The following CRADD variants were observed in gnomAD, a reference collection of about 807,000 sequenced individuals.
The protein encoded by CRADD is CARD and death domain containing adaptor protein.
A neutral mutation model predicts 15.5 loss-of-function variants in CRADD; 9 were observed. The observed-to-expected ratio is 0.58, with a 90% CI of 0.35 to 1.01. The LOEUF (loss-of-function observed/expected upper bound fraction) is 1.01. CRADD is among the 50% of genes least tolerant of loss of function. The pLI is 0.02. For missense variants in CRADD, 227 were observed against 250.3 expected (o/e 0.91, Z 0.63); for synonymous variants, 118 against 107.6 (o/e 1.10, Z -0.60).
chr12:93,828,092 T>C (rs1957845873), intron 2 of CRADD, among the ~76,000 whole-genome samples: 1 of 152,270 alleles, frequency 6.6e-6, no homozygotes, highest in South Asian at 2.1e-4. Context: ...TTTAAGTATT[T>C]ATTTGCCATC....
intron 2 of CRADD, among the ~76,000 whole-genome samples, chr12:93,703,627 G>T (rs562508543): frequency 3.9e-5 from 6 of 152,142 alleles, no homozygotes; most frequent in African/African-American, 1.4e-4. Flanking sequence ...CTCCCAAAGT[G>T]CTGGGATTAC....
intron 2 of CRADD, among the ~76,000 whole-genome samples, chr12:93,802,694 C>G (rs1379872693): frequency 6.6e-6 from 1 of 152,180 alleles, no homozygotes; most frequent in Non-Finnish European, 1.5e-5. Context: ...AAACACTATC[C>G]AGACCTTTTC....
intron 2 of CRADD, among the ~76,000 whole-genome samples, chr12:93,695,960 A>G (rs1955695108): frequency 6.6e-6 from 1 of 152,198 alleles, no homozygotes; most frequent in South Asian, 2.1e-4. Context: ...AAGACATACA[A>G]ATGGCCAACA....
At chr12:93,783,528 G>T (rs534413688) in intron 2 of CRADD, among the ~76,000 whole-genome samples, 1 of 152,044 alleles carries the variant, frequency 6.6e-6, no homozygotes, top group Non-Finnish European at 1.5e-5. Flanking sequence ...TGCAAGGTAT[G>T]GTTGTTACTG....
chr12:93,678,658 G>C, intron 1 of CRADD, 111 bp from the exon 2 acceptor site: 1 of 1,131,274 alleles, frequency 8.8e-7, no homozygotes, highest in Non-Finnish European at 1.2e-6. Flanking sequence ...CTGGCAGTCT[G>C]CTATGGTTTA....
intron 2 of CRADD, among the ~76,000 whole-genome samples, chr12:93,767,429 T>A (rs186164258): frequency 2.7e-4 from 41 of 152,358 alleles, no homozygotes; most frequent in African/African-American, 9.6e-4. Context: ...GGTTATATCA[T>A]GTATACATTT....
intron 2 of CRADD, among the ~76,000 whole-genome samples, chr12:93,800,243 G>A (rs999738599): frequency 1.3e-5 from 2 of 152,238 alleles, no homozygotes; most frequent in Admixed American, 6.5e-5. Context: ...TATAGTATAC[G>A]TCCCAGTCAG....
chr12:93,832,503 T>G (rs1957918381), intron 2 of CRADD, among the ~76,000 whole-genome samples: 1 of 152,134 alleles, frequency 6.6e-6, no homozygotes, highest in Non-Finnish European at 1.5e-5. Context: ...GAATTGTTAT[T>G]TTATAGTTTA....
intron 2 of CRADD, among the ~76,000 whole-genome samples, chr12:93,814,217 C>A (rs1957665085): frequency 6.6e-6 from 1 of 152,154 alleles, no homozygotes; most frequent in Non-Finnish European, 1.5e-5. Flanking sequence ...GCAAATTGTT[C>A]CCGCTGAATA....
At chr12:93,771,476 GCT>G (rs1477605638) in intron 2 of CRADD, among the ~76,000 whole-genome samples, 1 of 151,904 alleles carries the variant, frequency 6.6e-6, no homozygotes, top group Non-Finnish European at 1.5e-5. Flanking sequence ...CTTAATAATT[GCT>G]CTTTCTATAC....
At chr12:93,838,214 GTT>G (rs66564800) in intron 2 of CRADD, among the ~76,000 whole-genome samples, 13,962 of 130,566 alleles carry the variant, frequency 0.11, 603 homozygotes, top group African/African-American at 0.15. Flanking sequence ...TCCTTTTGAG[GTT>G]TTTTTTTTTT....
At chr12:93,765,758 GT>G (rs1426238065) in intron 2 of CRADD, among the ~76,000 whole-genome samples, 3 of 151,616 alleles carry the variant, frequency 2.0e-5, no homozygotes, top group African/African-American at 4.8e-5. Flanking sequence ...CATGTCTTCT[GT>G]TAGCATTCTT....
chr12:93,886,162 C>CCTT (rs1555231623), intron 2 of CRADD, among the ~76,000 whole-genome samples: 1 of 123,948 alleles, frequency 8.1e-6, no homozygotes, highest in Non-Finnish European at 1.7e-5. Context: ...GCTGCTGATG[C>CCTT]TTTTTTTTTT....
intron 2 of CRADD, among the ~76,000 whole-genome samples, chr12:93,790,954 A>G (rs1242704452): frequency 8.3e-6 from 1 of 120,016 alleles, no homozygotes; most frequent in East Asian, 3.2e-4. Context: ...TGATAGTCCT[A>G]CAGATGACTA....
intron 2 of CRADD, among the ~76,000 whole-genome samples, chr12:93,715,585 A>C (rs1415858085): frequency 6.6e-6 from 1 of 152,096 alleles, no homozygotes; most frequent in African/African-American, 2.4e-5. Context: ...ACCAGCCTGG[A>C]CAACATGGCA....
intron 2 of CRADD, among the ~76,000 whole-genome samples, chr12:93,716,285 C>T (rs1956161694): frequency 6.6e-6 from 1 of 152,032 alleles, no homozygotes; most frequent in Non-Finnish European, 1.5e-5. Flanking sequence ...CTATATACTC[C>T]CTTCCCCTGC....
At chr12:93,842,124 T>C (rs557148780) in intron 2 of CRADD, among the ~76,000 whole-genome samples, 1 of 95,580 alleles carries the variant, frequency 1.0e-5, no homozygotes, top group African/African-American at 3.4e-5. Flanking sequence ...GCTGCACCTC[T>C]TCTTAGCCGT....
chr12:93,783,775 C>T (rs755180387), intron 2 of CRADD, among the ~76,000 whole-genome samples: 31 of 152,136 alleles, frequency 2.0e-4, no homozygotes, highest in Non-Finnish European at 3.2e-4. Flanking sequence ...ATTTTTAGGA[C>T]TATCACAAGA....
At chr12:93,771,328 G>C (rs979867867) in intron 2 of CRADD, among the ~76,000 whole-genome samples, 4 of 152,270 alleles carry the variant, frequency 2.6e-5, no homozygotes, top group Admixed American at 2.6e-4. Context: ...TGTGAACCTG[G>C]AGAATAACTC....
Sources: allele counts gnomAD v4.1 joint callset (sites outside exome capture counted in the v4.1 genomes callset), GRCh38; gene constraint gnomAD v4.1.1; transcripts MANE v1.5; gene names NCBI Gene and HGNC (gene_info 2026-07-23, HGNC 2026-07-21).